PTPN3: variants seen among roughly 807,000 people sequenced by gnomAD.
PTPN3 encodes the protein protein tyrosine phosphatase non-receptor type 3, also known as tyrosine-protein phosphatase non-receptor type 3.
PTPN3 carries 96 observed loss-of-function variants against 132.7 expected under a neutral mutation model. The ratio of observed to expected loss-of-function variants is 0.72; its 90% CI spans 0.61 to 0.86. The LOEUF (loss-of-function observed/expected upper bound fraction) is 0.86, where lower values mean the gene tolerates loss of function less well. PTPN3 is among the 40% of genes least tolerant of loss of function. The pLI, the probability that PTPN3 is intolerant of heterozygous loss-of-function variation, is 0.00. For missense variants in PTPN3, 1,125 were observed against 1,159.6 expected (o/e 0.97, Z 0.43); for synonymous variants, 398 against 429.0 (o/e 0.93, Z 0.89).
At chr9:109,396,847 T>C (rs1840642025) in intron 19 of PTPN3, among the ~76,000 whole-genome samples, 1 of 152,148 alleles carries the variant, frequency 6.6e-6, no homozygotes, top group Non-Finnish European at 1.5e-5. Flanking sequence ...CCTACTATAA[T>C]ATTAGAGAAG....
intron 9 of PTPN3, 108 bp from the exon 10 acceptor site, chr9:109,433,269 A>G: frequency 7.0e-7 from 1 of 1,435,758 alleles, no homozygotes; most frequent in Non-Finnish European, 9.1e-7. Context: ...TATAGGCTCC[A>G]AATGGGAAAA....
chr9:109,389,092 TGGTTGCTCTGTAGAGGAGACTTAG>T (rs891612720), intron 22 of PTPN3, 117 bp downstream of exon 22: 16 of 1,078,876 alleles, frequency 1.5e-5, no homozygotes, highest in Non-Finnish European at 2.0e-5. Flanking sequence ...GGGTGTCTAT[TGGTTGCTCTGTAGAGGAGACTTAG>T]GGTCACATAC....
At chr9:109,523,017 A>G in the PTPN3 span, among the ~76,000 whole-genome samples, 3 of 152,054 alleles carry the variant, frequency 2.0e-5, no homozygotes, top group Admixed American at 2.0e-4. Context: ...TAAAATGGGG[A>G]TAATAGCAAT....
chr9:109,433,697 G>T (rs1160227182), intron 9 of PTPN3, among the ~76,000 whole-genome samples: 2 of 152,116 alleles, frequency 1.3e-5, no homozygotes, highest in Non-Finnish European at 2.9e-5. Context: ...CTTGAGCCCA[G>T]GAGTTTGAGG....
chr9:109,521,499 C>G, the PTPN3 span, among the ~76,000 whole-genome samples: 1 of 152,114 alleles, frequency 6.6e-6, no homozygotes, highest in Non-Finnish European at 1.5e-5. Flanking sequence ...CAGTAAGGTT[C>G]CCTCTGCCTG....
chr9:109,462,242 T>C (rs1407639786), intron 2 of PTPN3, among the ~76,000 whole-genome samples: 2 of 152,216 alleles, frequency 1.3e-5, no homozygotes, highest in African/African-American at 2.4e-5. Context: ...GCCAAGGCAC[T>C]GGGCCACCGC....
At chr9:109,417,685 C>G (rs1270958467) in intron 14 of PTPN3, 1 of 985,262 alleles carries the variant, frequency 1.0e-6, no homozygotes, top group African/African-American at 1.7e-5. Context: ...GGTCTCCCAC[C>G]TAACAGAGGT....
Position 109,389,278 on chromosome 9 carries a change from C to A in PTPN3, c.2208G>T (p.Lys736Asn). Residue 736 changes from lysine to asparagine, a missense_variant, in exon 22 of 26, where the codon AAG becomes AAT. By Grantham distance (94) the Lys-to-Asn change is moderately conservative. Transcript: ENST00000374541. ...AQFWQVVWDQ[K>N]LSLIVMLTTL... is the part of the protein sequence containing the mutation. ...TCGTCAACATGACAATGAGTGACAA[C>A]TTCTGATCCCAGACAACCTGCCAAA... 6.2e-7 allele frequency: 1 copy of A among 1,614,220 alleles called. No individual in the cohort carries two copies. Among genetic ancestry groups the A allele is most frequent in the Non-Finnish European group, 8.5e-7 (1 of 1,180,034 alleles).
In PTPN3 at chr9:109,379,555, C is replaced by G. The variant is rs764910326; in HGVS notation, c.*1G>C. The G allele has an allele frequency of 4.0e-5, 65 of 1,612,336 alleles. No individual in the cohort carries two copies. The highest frequency in any genetic ancestry group is 5.3e-5 in the Non-Finnish European group (63 of 1,178,508). ...GAGGAATGAACTTTTTCACAGTTGTCTTAACTAGGATCCAGCATTTGGACT... is the reference window on the plus strand; with the variant it reads ...GAGGAATGAACTTTTTCACAGTTGTGTTAACTAGGATCCAGCATTTGGACT... On this transcript the variant is annotated 3_prime_UTR_variant, in exon 26 of 26. Coordinates refer to ENST00000374541, the MANE Select transcript of PTPN3 (RefSeq NM_002829.4).
At chr9:109,522,823 A>C in the PTPN3 span, among the ~76,000 whole-genome samples, 3 of 152,330 alleles carry the variant, frequency 2.0e-5, no homozygotes, top group Admixed American at 2.0e-4. Flanking sequence ...AAATTATGAC[A>C]TGGTATCTTC....
At chr9:109,386,099 C>T (rs1160821081) in intron 22 of PTPN3, among the ~76,000 whole-genome samples, 1 of 152,172 alleles carries the variant, frequency 6.6e-6, no homozygotes, top group Non-Finnish European at 1.5e-5. Flanking sequence ...TAAATCTGCT[C>T]ACTTGGAGTG....
intron 1 of PTPN3, among the ~76,000 whole-genome samples, chr9:109,485,837 G>A (rs996533430): frequency 2.6e-5 from 4 of 152,178 alleles, no homozygotes; most frequent in Non-Finnish European, 4.4e-5. Context: ...ATCCACCCCC[G>A]ACTCCCATAC....
intron 2 of PTPN3, among the ~76,000 whole-genome samples, chr9:109,462,848 C>G (rs887250989): frequency 6.6e-6 from 1 of 151,986 alleles, no homozygotes; most frequent in African/African-American, 2.4e-5. Flanking sequence ...AAACAACACC[C>G]TTTCTATTCT....
chr9:109,450,954 T>C (rs948246864), intron 5 of PTPN3: 1 of 984,552 alleles, frequency 1.0e-6, no homozygotes, highest in Non-Finnish European at 1.2e-6. Flanking sequence ...GGGAATTTCC[T>C]TAAACAGGAA....
the PTPN3 span, among the ~76,000 whole-genome samples, chr9:109,528,386 T>C: frequency 3.3e-5 from 5 of 152,220 alleles, no homozygotes; most frequent in Non-Finnish European, 2.9e-5. Flanking sequence ...ATCAATGGAA[T>C]ACTACATATC....
At chr9:109,434,830 G>T (rs1444408240) in intron 9 of PTPN3, among the ~76,000 whole-genome samples, 1 of 152,214 alleles carries the variant, frequency 6.6e-6, no homozygotes, top group Non-Finnish European at 1.5e-5. Context: ...TTCTAGAAGA[G>T]AGTTTGGCAC....
At chr9:109,381,187 A>G (rs534468703) in intron 25 of PTPN3, among the ~76,000 whole-genome samples, 1 of 152,308 alleles carries the variant, frequency 6.6e-6, no homozygotes, top group East Asian at 1.9e-4. Flanking sequence ...GAAATCCCCA[A>G]GAGTTATCCC....
upstream of PTPN3, among the ~76,000 whole-genome samples, chr9:109,499,834 G>A (rs1398080761): frequency 1.3e-5 from 2 of 152,194 alleles, no homozygotes; most frequent in Admixed American, 6.5e-5. Context: ...GAGTCCAGGG[G>A]CAGGACCGCC....
At chr9:109,417,215 C>T (rs886957421) in intron 14 of PTPN3, among the ~76,000 whole-genome samples, 5 of 152,218 alleles carry the variant, frequency 3.3e-5, no homozygotes, top group Non-Finnish European at 5.9e-5. Context: ...CTTTGCTGTG[C>T]TGCTATAAAT....
Sources: gnomAD v4.1 joint callset for allele counts (sites outside exome capture counted in the v4.1 genomes callset) on GRCh38, gnomAD v4.1.1 for gene constraint, MANE v1.5 for transcripts, NCBI Gene and HGNC (gene_info 2026-07-23, HGNC 2026-07-21) for gene names.